NFASC: variants seen among roughly 807,000 people sequenced by gnomAD.
The protein encoded by NFASC is neurofascin.
In NFASC, 43 loss-of-function variants were observed where a neutral mutation model predicts 147.5. That is an observed-to-expected ratio of 0.29 (90% CI 0.23 to 0.38). The LOEUF is 0.38. Among genes scored for constraint, NFASC ranks in the 10% least tolerant of loss-of-function variants. The pLI is 1.00. For missense variants in NFASC, 1,320 were observed against 1,689.0 expected (o/e 0.78, Z 3.83); for synonymous variants, 622 against 665.5 (o/e 0.93, Z 1.01).
intron 1 of NFASC, among the ~76,000 whole-genome samples, chr1:204,899,449 C>T (rs559190108): frequency 8.1e-4 from 124 of 152,314 alleles, no homozygotes; most frequent in African/African-American, 2.8e-3. Context: ...CCAGTCCAAG[C>T]GCCAACTCCA....
intron 11 of NFASC, 91 bp from the exon 12 acceptor site, chr1:204,973,185 G>T: frequency 7.0e-7 from 1 of 1,430,430 alleles, no homozygotes; most frequent in Non-Finnish European, 9.7e-7. Flanking sequence ...ACAGCACCCC[G>T]CTTGTTCCTG....
intron 1 of NFASC, among the ~76,000 whole-genome samples, chr1:204,877,469 T>C (rs1282113660): frequency 6.6e-6 from 1 of 152,064 alleles, no homozygotes; most frequent in Non-Finnish European, 1.5e-5. Flanking sequence ...GTGGATCAAG[T>C]CTTTGGAAAG....
At chr1:204,917,953 A>G (rs1198829781) in intron 1 of NFASC, among the ~76,000 whole-genome samples, 2 of 152,210 alleles carry the variant, frequency 1.3e-5, no homozygotes, top group African/African-American at 4.8e-5. Flanking sequence ...GAGCTAGGAA[A>G]TGTGCATGCA....
At position 204,976,686 on chromosome 1, in the gene NFASC, C is replaced by A. The variant is rs55726173; in HGVS notation, c.1722C>A (p.Asp574Glu). ...ACCTTTGCAGGATGAAGAAGGAAGA[C>A]GACTCCCTGACCATCTTTGGGGTGG... Reference protein sequence around the residue: ...LYIGNRMKKEDDSLTIFGVAE... With the variant: ...LYIGNRMKKEEDSLTIFGVAE... The change falls in exon 16 of 30, where the codon GAC becomes GAA. Residue 574 changes from aspartate to glutamate, a missense_variant. Physicochemically the swap from Asp to Glu is conservative, Grantham distance 45. Transcript: ENST00000339876. 2 of 1,613,366 alleles carry A rather than the reference C, an allele frequency of 1.2e-6. No homozygotes were observed. The highest frequency in any genetic ancestry group is 3.3e-5 in the Admixed American group (2 of 59,954).
chr1:204,834,151 G>A (rs1673021893), intron 1 of NFASC, among the ~76,000 whole-genome samples: 1 of 152,068 alleles, frequency 6.6e-6, no homozygotes, highest in Non-Finnish European at 1.5e-5. Flanking sequence ...GCCTCATCCT[G>A]CCTATTCTCC....
chr1:204,925,592 C>T (rs2091351871), intron 2 of NFASC, among the ~76,000 whole-genome samples: 1 of 152,224 alleles, frequency 6.6e-6, no homozygotes, highest in African/African-American at 2.4e-5. Context: ...CTTCCTTTGC[C>T]CTCAAGAAGC....
chr1:204,845,750 A>T (rs1030698510), intron 1 of NFASC, among the ~76,000 whole-genome samples: 4 of 152,098 alleles, frequency 2.6e-5, no homozygotes, highest in African/African-American at 4.8e-5. Flanking sequence ...AAAATTTTTT[A>T]AAAATCAGCT....
chr1:205,012,799 C>T lies in NFASC; in HGVS notation c.3424C>T (p.Arg1142Ter), dbSNP rs766633481. The T allele has an allele frequency of 1.9e-6, 3 of 1,611,528 alleles. No homozygotes were observed. The highest frequency in any genetic ancestry group is 2.5e-6 in the Non-Finnish European group (3 of 1,177,792). Residue 1142 changes from arginine to a stop codon, truncating the protein, a stop_gained and splice_region_variant, in exon 29 of 30, where the codon CGA (arginine) becomes TGA (stop). Transcript: ENST00000339876. LOFTEE classifies it high-confidence loss of function. Reference protein sequence around the residue: ...KRSRGGKYPVREKKDVPLGPE... With the variant: ...KRSRGGKYPV ...CTTTGCTTCTCCTTTTGACCAAGTA[C>T]GAGAAAAGAAGGATGTTCCCCTTGG... is the stretch of plus-strand genomic sequence containing the variant.
intron 2 of NFASC, among the ~76,000 whole-genome samples, chr1:204,923,211 G>A (rs2090848700): frequency 6.6e-6 from 1 of 152,148 alleles, no homozygotes. Context: ...CGGGGCTGCA[G>A]GTGTGAGCTC....
chr1:204,871,400 C>T (rs890140028), intron 1 of NFASC, among the ~76,000 whole-genome samples: 3 of 152,086 alleles, frequency 2.0e-5, no homozygotes, highest in African/African-American at 7.2e-5. Context: ...GGCAGGGGAG[C>T]TTTGATTTGA....
intron 1 of NFASC, among the ~76,000 whole-genome samples, chr1:204,864,457 G>T (rs2076957447): frequency 6.6e-6 from 1 of 152,178 alleles, no homozygotes; most frequent in Admixed American, 6.5e-5. Context: ...TTCCAAAGTG[G>T]CTGCACTATT....
At chr1:204,989,641 T>C (rs2095682256) in intron 23 of NFASC, 1 of 152,248 alleles carries the variant, frequency 6.6e-6, no homozygotes, top group African/African-American at 2.4e-5. Flanking sequence ...TACAATGGTC[T>C]ATTCAACAGC....
chr1:204,828,819 G>A (rs1671339180), intron 1 of NFASC, 37 bp downstream of exon 1: 1 of 985,428 alleles, frequency 1.0e-6, no homozygotes, highest in Non-Finnish European at 1.2e-6. Context: ...TGGGGGTAGA[G>A]AGTCATGGAA....
At chr1:204,961,051 C>T (rs922650685) in intron 8 of NFASC, among the ~76,000 whole-genome samples, 1 of 152,206 alleles carries the variant, frequency 6.6e-6, no homozygotes, top group African/African-American at 2.4e-5. Context: ...CTTGCCTCCT[C>T]AGGGCCATCT....
intron 28 of NFASC, 128 bp from the exon 29 acceptor site, chr1:205,012,669 C>A: frequency 1.3e-6 from 1 of 751,510 alleles, no homozygotes; most frequent in South Asian, 1.5e-5. Context: ...GTGGATGGTG[C>A]CTTGTTAAAA....
At chr1:204,984,713 C>G (rs2095580407) in intron 21 of NFASC, among the ~76,000 whole-genome samples, 1 of 152,126 alleles carries the variant, frequency 6.6e-6, no homozygotes, top group South Asian at 2.1e-4. Context: ...TATGGACTAT[C>G]AAGGCTCTTG....
At chr1:204,844,193 C>T (rs1165972283) in intron 1 of NFASC, among the ~76,000 whole-genome samples, 1 of 152,208 alleles carries the variant, frequency 6.6e-6, no homozygotes, top group Non-Finnish European at 1.5e-5. Context: ...CGGCAAATGA[C>T]TTACATCTTC....
intron 2 of NFASC, among the ~76,000 whole-genome samples, chr1:204,937,537 C>A (rs184452258): frequency 1.3e-5 from 2 of 152,172 alleles, no homozygotes; most frequent in Non-Finnish European, 2.9e-5. Context: ...GAATGTCATG[C>A]GGTTGTAACC....
At chr1:205,003,911 C>T (rs2096054981) in intron 27 of NFASC, among the ~76,000 whole-genome samples, 1 of 152,196 alleles carries the variant, frequency 6.6e-6, no homozygotes, top group African/African-American at 2.4e-5. Context: ...TGCACATTTG[C>T]ATGCCATCAA....
Sources: gnomAD v4.1 joint callset for allele counts (sites outside exome capture counted in the v4.1 genomes callset) on GRCh38, gnomAD v4.1.1 for gene constraint, MANE v1.5 for transcripts, NCBI Gene and HGNC (gene_info 2026-07-23, HGNC 2026-07-21) for gene names.